Variants in ADCY8 observed in about 807,000 individuals in gnomAD.
The protein encoded by ADCY8 is adenylate cyclase 8.
A neutral mutation model predicts 119.7 loss-of-function variants in ADCY8; 51 were observed. The ratio of observed to expected loss-of-function variants is 0.43; its 90% CI spans 0.34 to 0.54. The LOEUF is 0.54. Among genes scored for constraint, ADCY8 ranks in the 20% least tolerant of loss-of-function variants. The pLI, the probability that ADCY8 is intolerant of heterozygous loss-of-function variation, is 0.03. For synonymous variants in ADCY8, 665 were observed against 651.0 expected (o/e 1.02, Z -0.33); for missense variants, 1,383 against 1,598.8 (o/e 0.87, Z 2.30).
At chr8:131,012,312 G>A (rs1823333267) in intron 1 of ADCY8, among the ~76,000 whole-genome samples, 1 of 152,180 alleles carries the variant, frequency 6.6e-6, no homozygotes, top group Non-Finnish European at 1.5e-5. Flanking sequence ...CACACCACCA[G>A]GTAAACCACA....
At chr8:130,949,593 C>T (rs1372774111) in intron 3 of ADCY8, 1 of 152,146 alleles carries the variant, frequency 6.6e-6, no homozygotes, top group Non-Finnish European at 1.5e-5. Context: ...TCTGCTGACC[C>T]CTTTGCTCAG....
Position 131,040,066 on chromosome 8 carries a change from G to T in ADCY8, c.268C>A (p.Pro90Thr). 6.5e-7 allele frequency: 1 copy of T among 1,540,952 alleles called. No individual in the cohort carries two copies. The highest frequency in any genetic ancestry group is 1.2e-5 in the South Asian group (1 of 83,774). ...APQLSGDSAL[P>T]LYSLGPGERA... The stretch of plus-strand genomic sequence containing the variant: ...TCTCCCGGGCCCAGCGAGTAGAGGG[G>T]CAGCGCCGAGTCGCCTGACAGCTGC... The change falls in exon 1 of 18, where the codon CCC becomes ACC. Residue 90 changes from proline to threonine, a missense_variant. By Grantham distance (38) the Pro-to-Thr change is conservative. Transcript: ENST00000286355.
At chr8:130,832,985 A>G (rs1189265481) in intron 12 of ADCY8, among the ~76,000 whole-genome samples, 1 of 152,212 alleles carries the variant, frequency 6.6e-6, no homozygotes, top group East Asian at 1.9e-4. Flanking sequence ...TCTGCCTTTA[A>G]TTCCATAAAT....
At chr8:130,844,911 G>C (rs572845472) in intron 11 of ADCY8, among the ~76,000 whole-genome samples, 12 of 152,194 alleles carry the variant, frequency 7.9e-5, no homozygotes, top group African/African-American at 2.9e-4. Context: ...GGTATATTAC[G>C]CACAGTGGTT....
intron 6 of ADCY8, among the ~76,000 whole-genome samples, chr8:130,908,950 G>A (rs1819879868): frequency 1.3e-5 from 2 of 151,640 alleles, no homozygotes; most frequent in Non-Finnish European, 2.9e-5. Flanking sequence ...TCCAAGGGCA[G>A]TTCTAGGGGG....
intron 2 of ADCY8, among the ~76,000 whole-genome samples, chr8:130,987,247 C>G (rs944916922): frequency 3.3e-5 from 5 of 152,128 alleles, no homozygotes; most frequent in Admixed American, 3.3e-4. Flanking sequence ...CATGTCAGCT[C>G]AGGTAAAATT....
intron 7 of ADCY8, among the ~76,000 whole-genome samples, chr8:130,894,619 C>T (rs1322054051): frequency 2.0e-5 from 3 of 152,082 alleles, no homozygotes; most frequent in Admixed American, 1.3e-4. Flanking sequence ...TAGAAGAGGA[C>T]CTTGCAAAAA....
At chr8:130,924,286 G>T (rs374734379) in intron 5 of ADCY8, among the ~76,000 whole-genome samples, 6 of 152,150 alleles carry the variant, frequency 3.9e-5, no homozygotes, top group African/African-American at 9.7e-5. Context: ...TAAGAAGAGC[G>T]TTAGTTTGGA....
At position 130,884,685 on chromosome 8, in the gene ADCY8, C is replaced by T; in HGVS notation, c.1988G>A (p.Gly663Glu). 1 of 1,613,874 alleles carries T rather than the reference C, an allele frequency of 6.2e-7. No homozygotes were observed. Among genetic ancestry groups the T allele is most frequent in the Non-Finnish European group, 8.5e-7 (1 of 1,179,826 alleles). Reference protein sequence around the residue: ...HLAQALHVQSGPEEINKRIEH... With the variant: ...HLAQALHVQSEPEEINKRIEH... ...TATTCTCTTGTTAATTTCCTCAGGC[C>T]CAGACTGGACATGCAAAGCTTGTGC... is the stretch of plus-strand genomic sequence containing the variant. Residue 663 changes from glycine (G) to glutamate (E), a missense_variant, in exon 8 of 18, where the codon GGG becomes GAG. Coordinates refer to ENST00000286355, the MANE Select transcript of ADCY8 (RefSeq NM_001115.3).
At chr8:130,903,698 T>C in intron 7 of ADCY8, 74 bp downstream of exon 7, 1 of 1,531,600 alleles carries the variant, frequency 6.5e-7, no homozygotes, top group South Asian at 1.2e-5. Flanking sequence ...ATCAGTTTTC[T>C]CTGAGGTGTC....
intron 16 of ADCY8, among the ~76,000 whole-genome samples, chr8:130,784,969 C>A (rs1372937817): frequency 6.6e-6 from 1 of 152,140 alleles, no homozygotes; most frequent in Non-Finnish European, 1.5e-5. Context: ...TGCCATTTAA[C>A]ACCAGTGCCT....
chr8:130,791,695 T>G (rs1375931075), intron 15 of ADCY8, among the ~76,000 whole-genome samples: 1 of 152,146 alleles, frequency 6.6e-6, no homozygotes, highest in African/African-American at 2.4e-5. Context: ...TACAGCTCAC[T>G]CCACTTACCT....
chr8:130,912,622 G>A (rs1820016233), intron 5 of ADCY8, among the ~76,000 whole-genome samples: 1 of 152,176 alleles, frequency 6.6e-6, no homozygotes, highest in Non-Finnish European at 1.5e-5. Context: ...GTAATGCAAA[G>A]CTATTTACAT....
Position 130,995,299 on chromosome 8 carries a change from T to A in ADCY8, c.961-4757A>T, listed in dbSNP as rs6470878. Among the ~76,000 whole-genome samples, 469 of 151,954 alleles carry A rather than the reference T, an allele frequency of 3.1e-3. 2 individuals carry two copies. The highest frequency in any genetic ancestry group is 0.023 in the East Asian group (118 of 5,154). On this transcript the variant is annotated intron_variant, in intron 1 of 17. Transcript: ENST00000286355. ...AAATCCATCCAGTTGAAAAGTGGGC[T>A]TGGGAGAAGGAAAGAACTAACATGT...
intron 9 of ADCY8, among the ~76,000 whole-genome samples, chr8:130,856,545 G>A (rs1429468692): frequency 2.0e-5 from 3 of 152,110 alleles, no homozygotes; most frequent in African/African-American, 7.2e-5. Flanking sequence ...ACCCCGAGGT[G>A]CCTTCGGTCA....
intron 1 of ADCY8, among the ~76,000 whole-genome samples, chr8:131,004,027 C>T (rs1193728675): frequency 6.6e-6 from 1 of 152,132 alleles, no homozygotes; most frequent in Admixed American, 6.5e-5. Flanking sequence ...TTTCCTCCCC[C>T]ACCATGCTGG....
At chr8:131,019,159 C>CA (rs1477148995) in intron 1 of ADCY8, among the ~76,000 whole-genome samples, 1 of 152,110 alleles carries the variant, frequency 6.6e-6, no homozygotes, top group Non-Finnish European at 1.5e-5. Flanking sequence ...GTATATTAGG[C>CA]AATCTTGGCC....
At chr8:131,013,230 A>G (rs1003913629) in intron 1 of ADCY8, among the ~76,000 whole-genome samples, 29 of 152,172 alleles carry the variant, frequency 1.9e-4, no homozygotes, top group Non-Finnish European at 3.8e-4. Context: ...TAAATTAAGT[A>G]GTCAGGGGAA....
At chr8:130,897,262 T>G (rs1819425620) in intron 7 of ADCY8, among the ~76,000 whole-genome samples, 1 of 152,048 alleles carries the variant, frequency 6.6e-6, no homozygotes, top group Admixed American at 6.6e-5. Flanking sequence ...TGAGAATTCT[T>G]CCTTTTCTTC....
Sources: gnomAD v4.1 joint callset for allele counts (sites outside exome capture counted in the v4.1 genomes callset) on GRCh38, gnomAD v4.1.1 for gene constraint, MANE v1.5 for transcripts, NCBI Gene and HGNC (gene_info 2026-07-23, HGNC 2026-07-21) for gene names.